Variants in TTLL9 observed in about 807,000 individuals in gnomAD.
TTLL9 encodes the protein probable tubulin polyglutamylase TTLL9.
Under a neutral mutation model 65.6 loss-of-function variants are expected in TTLL9, and 47 were observed. That is an observed-to-expected ratio of 0.72 (90% confidence interval 0.57 to 0.91). TTLL9 has a LOEUF of 0.91. Ranked by LOEUF, TTLL9 falls within the 40% of genes least tolerant of loss-of-function variation. TTLL9 has a pLI of 0.00. For missense variants in TTLL9, 537 were observed against 568.8 expected (o/e 0.94, Z 0.57); for synonymous variants, 179 against 204.8 (o/e 0.87, Z 1.07).
In TTLL9 at chr20:31,879,671, T is replaced by C. The variant is rs955743012; in HGVS notation, c.70-7525T>C. ...AGAGGCGAGGCTGGAAAAGAAAGGTTGAGGAAGTCGGGGGACCTAGGCTGC... is the reference window on the plus strand; with the variant it reads ...AGAGGCGAGGCTGGAAAAGAAAGGTCGAGGAAGTCGGGGGACCTAGGCTGC... On this transcript the variant is annotated intron_variant, in intron 2 of 14. Coordinates refer to ENST00000535842, the MANE Select transcript of TTLL9 (RefSeq NM_001008409.5). The C allele has an allele frequency of 1.8e-5, 12 of 680,082 alleles. No homozygotes were observed. In the African/African-American group the frequency reaches 1.8e-4, roughly 10 times the overall value. 42.1% of individuals were successfully genotyped at this position (680,082 alleles called of 1,614,324 possible).
chr20:31,940,383 T>C (rs749440350), intron 14 of TTLL9: 1 of 152,246 alleles, frequency 6.6e-6, no homozygotes, highest in Non-Finnish European at 1.5e-5. Flanking sequence ...TTTCTAAATG[T>C]ATAAGGCTTC....
chr20:31,873,163 T>TG (rs2062962288), intron 2 of TTLL9: 2 of 391,750 alleles, frequency 5.1e-6, no homozygotes, highest in Non-Finnish European at 1.0e-5. Flanking sequence ...TGACTGGATG[T>TG]GGGGGGAAGG....
chr20:31,921,487 G>T (rs900356691), intron 7 of TTLL9, among the ~76,000 whole-genome samples: 1 of 152,278 alleles, frequency 6.6e-6, no homozygotes, highest in African/African-American at 2.4e-5. Context: ...ATACCCAAAG[G>T]ATTATAAATC....
At chr20:31,914,930 A>G (rs1261123116) in intron 6 of TTLL9, among the ~76,000 whole-genome samples, 1 of 152,230 alleles carries the variant, frequency 6.6e-6, no homozygotes, top group Non-Finnish European at 1.5e-5. Flanking sequence ...TGCAAGGTGC[A>G]TTGTCATGGC....
At chr20:31,939,522 A>G in intron 14 of TTLL9, 1 of 325,418 alleles carries the variant, frequency 3.1e-6, no homozygotes, top group Non-Finnish European at 5.6e-6. Flanking sequence ...AGAAAGAAAT[A>G]AAAACATCCA....
At chr20:31,898,120 G>A (rs1354515043) in intron 3 of TTLL9, among the ~76,000 whole-genome samples, 1 of 152,158 alleles carries the variant, frequency 6.6e-6, no homozygotes, top group Non-Finnish European at 1.5e-5. Context: ...ATCAGTAGGA[G>A]GAATAGGAAA....
At chr20:31,919,782 C>T in intron 6 of TTLL9, 82 bp from the exon 7 acceptor site, 1 of 1,161,884 alleles carries the variant, frequency 8.6e-7, no homozygotes, top group South Asian at 1.6e-5. Context: ...GACAGATATG[C>T]TGGGGAGAGC....
intron 6 of TTLL9, among the ~76,000 whole-genome samples, chr20:31,919,045 A>G (rs2063777782): frequency 6.6e-6 from 1 of 152,218 alleles, no homozygotes; most frequent in Admixed American, 6.5e-5. Flanking sequence ...TGAGAGTTGC[A>G]GTTATGCTGG....
rs2062906780 is a variant in TTLL9, at chr20:31,870,664, C to T, written c.-291C>T. 8.1e-7 allele frequency: 1 copy of T among 1,239,802 alleles called. No individual in the cohort carries two copies. The highest frequency in any genetic ancestry group is 1.0e-6 in the Non-Finnish European group (1 of 972,734). The allele number at this position is 1,239,802 out of a possible 1,614,324, so 76.8% of individuals were successfully genotyped here. A position where few individuals can be genotyped will look rare whatever the true frequency, so the allele number is the denominator to read the frequency against. On this transcript the variant is annotated 5_prime_UTR_variant, in exon 1 of 15. It adds an upstream start codon to the 5' untranslated region. Coordinates refer to ENST00000535842, the MANE Select transcript of TTLL9 (RefSeq NM_001008409.5). This position sits in a 1 kb window ranked among gnomAD's most constrained non-coding sequence, Gnocchi z 6.6. ...GCCGGGCCCACGGCCCGCGGGACAA[C>T]GGCAGTTTGTTGGGGCCGCGTGGGG...
intron 3 of TTLL9, among the ~76,000 whole-genome samples, chr20:31,896,286 C>T (rs2063387694): frequency 2.0e-5 from 3 of 152,150 alleles, no homozygotes; most frequent in African/African-American, 2.4e-5. Flanking sequence ...CCCCCTGGCC[C>T]TATTTTGCCA....
chr20:31,881,059 T>C (rs2063112119), intron 2 of TTLL9, among the ~76,000 whole-genome samples: 1 of 151,886 alleles, frequency 6.6e-6, no homozygotes, highest in Non-Finnish European at 1.5e-5. Flanking sequence ...CTATGTTATG[T>C]TGCTATGTTG....
intron 2 of TTLL9, among the ~76,000 whole-genome samples, chr20:31,873,695 AAAG>A (rs1358691383): frequency 2.1e-5 from 2 of 94,010 alleles, no homozygotes; most frequent in Non-Finnish European, 4.4e-5. Context: ...AGAAAGAAAG[AAAG>A]AAAGAAAGAA....
intron 3 of TTLL9, among the ~76,000 whole-genome samples, chr20:31,898,110 A>T (rs186757785): frequency 6.6e-6 from 1 of 152,240 alleles, no homozygotes; most frequent in African/African-American, 2.4e-5. Flanking sequence ...TTTCAGTTGT[A>T]TCAGTAGGAG....
chr20:31,928,290 A>G (rs1408371934), intron 10 of TTLL9, among the ~76,000 whole-genome samples: 1 of 151,956 alleles, frequency 6.6e-6, no homozygotes, highest in African/African-American at 2.4e-5. Context: ...CCCTTCTTTT[A>G]TATTGTTTTA....
rs1034105567 is a variant in TTLL9, at chr20:31,944,747, A to G, written c.*1726A>G. 83 of 152,342 alleles carry G rather than the reference A, an allele frequency of 5.4e-4. 1 individual carries two copies. The highest frequency in any genetic ancestry group is 1.9e-3 in the African/African-American group (80 of 41,572). 9.4% of individuals were successfully genotyped at this position (152,342 alleles called of 1,614,324 possible). ...TGAAAACACGTAAGAACTGGCCATGACAGCCTGTGTTTCTATGTAACTATG... is the reference window on the plus strand; with the variant it reads ...TGAAAACACGTAAGAACTGGCCATGGCAGCCTGTGTTTCTATGTAACTATG... On this transcript the variant is annotated 3_prime_UTR_variant, in exon 15 of 15. Transcript: ENST00000535842.
intron 2 of TTLL9, chr20:31,879,680 C>CG (rs1331397947): frequency 5.4e-6 from 4 of 737,734 alleles, no homozygotes; most frequent in Non-Finnish European, 2.1e-6. Flanking sequence ...TTGAGGAAGT[C>CG]GGGGGACCTA....
rs777100509 is a variant in TTLL9, at chr20:31,919,849, C to G, written c.505-15C>G. On this transcript the variant is annotated splice_polypyrimidine_tract_variant and intron_variant, in intron 6 of 14. Transcript: ENST00000535842. ...CAGAGCTAAGAGCTGGCTTTCTGCC[C>G]CCATCCCACCCCAGGTAGCCCGGTC... The G allele has an allele frequency of 1.9e-6, 3 of 1,579,750 alleles. No individual in the cohort carries two copies. The highest frequency in any genetic ancestry group is 2.6e-6 in the Non-Finnish European group (3 of 1,164,068).
chr20:31,873,735 A>G (rs2062981659), intron 2 of TTLL9, among the ~76,000 whole-genome samples: 7 of 135,292 alleles, frequency 5.2e-5, no homozygotes, highest in African/African-American at 8.0e-5. Flanking sequence ...AGAAAGAAAG[A>G]AAAAGGAAGG....
chr20:31,939,040 C>T (rs963154035), intron 13 of TTLL9, 102 bp from the exon 14 acceptor site: 27 of 1,338,340 alleles, frequency 2.0e-5, no homozygotes, highest in Middle Eastern at 2.4e-4. Context: ...TTCTGAGGGA[C>T]GGACATCAGT....
Sources: gnomAD v4.1 joint callset for allele counts (sites outside exome capture counted in the v4.1 genomes callset) on GRCh38, gnomAD v4.1.1 for gene constraint, Gnocchi (gnomAD v3.1) non-coding constraint, MANE v1.5 for transcripts, NCBI Gene and HGNC (gene_info 2026-07-23, HGNC 2026-07-21) for gene names.